Variants in LRP5 observed in about 807,000 individuals in gnomAD.
LRP5 encodes the protein low-density lipoprotein receptor-related protein 5.
In LRP5, 62 loss-of-function variants were observed where a neutral mutation model predicts 154.1. The observed-to-expected ratio is 0.40, with a 90% CI of 0.33 to 0.50. The LOEUF is 0.50. Among genes scored for constraint, LRP5 ranks in the 20% least tolerant of loss-of-function variants. LRP5 has a pLI of 0.55. For synonymous variants in LRP5, 966 were observed against 1,011.5 expected, an observed-to-expected ratio of 0.96 and a Z score of 0.85; for missense variants, 1,915 against 2,336.7, an observed-to-expected ratio of 0.82 and a Z score of 3.72.
At chr11:68,356,109 G>A (rs542154945) in intron 2 of LRP5, among the ~76,000 whole-genome samples, 5 of 150,342 alleles carry the variant, frequency 3.3e-5, no homozygotes, top group South Asian at 4.2e-4. Context: ...CTCCCAAAGC[G>A]CTGGAATTAC....
intron 9 of LRP5, among the ~76,000 whole-genome samples, chr11:68,408,830 T>G (rs1447982275): frequency 1.3e-5 from 2 of 151,794 alleles, no homozygotes; most frequent in Non-Finnish European, 2.9e-5. Flanking sequence ...GGAGGATCAC[T>G]TGAGCCCAGA....
chr11:68,401,936 G>A (rs1261588543), intron 7 of LRP5, among the ~76,000 whole-genome samples: 3 of 151,980 alleles, frequency 2.0e-5, no homozygotes, highest in African/African-American at 7.3e-5. Context: ...CAAATGATCC[G>A]CCTGCCTCGG....
intron 12 of LRP5, among the ~76,000 whole-genome samples, chr11:68,416,063 A>T (rs978765057): frequency 2.6e-5 from 4 of 152,084 alleles, no homozygotes; most frequent in Admixed American, 6.5e-5. Context: ...TCAAAAAAAA[A>T]ATAAATAAAT....
intron 13 of LRP5, among the ~76,000 whole-genome samples, chr11:68,417,215 A>G (rs1475157608): frequency 2.6e-5 from 4 of 152,146 alleles, no homozygotes; most frequent in Non-Finnish European, 5.9e-5. Context: ...GTGGGAAATC[A>G]AATGGAAAGT....
At chr11:68,383,225 A>G (rs1424822088) in intron 5 of LRP5, among the ~76,000 whole-genome samples, 1 of 152,060 alleles carries the variant, frequency 6.6e-6, no homozygotes, top group African/African-American at 2.4e-5. Flanking sequence ...CTGGCAAGAC[A>G]GGCTTGGAAT....
chr11:68,428,968 G>GTGCCTAT lies in LRP5; in HGVS notation c.3638-604_3638-598dup, dbSNP rs1178678840. Among the ~76,000 whole-genome samples the GTGCCTAT allele has an allele frequency of 1.1e-4, 10 of 91,062 alleles. No individual in the cohort carries two copies. In the South Asian group the frequency reaches 1.9e-3, roughly 17 times the overall value. 59.7% of individuals were successfully genotyped at this position (91,062 alleles called of 152,430 possible). A position where few individuals can be genotyped will look rare whatever the true frequency, so the allele number is the denominator to read the frequency against. Reference sequence around the variant, plus strand: ...AAAAATTAGCCAGGCACAGTGGCAGGTGCCTATTGTCCCAGCTACTTGGGA... The same window carrying GTGCCTAT: ...AAAAATTAGCCAGGCACAGTGGCAGGTGCCTATTGCCTATTGTCCCAGCTACTTGGGA... On this transcript the variant is annotated intron_variant, in intron 16 of 22. Transcript: ENST00000294304.
At chr11:68,373,357 G>A (rs1448909954) in intron 5 of LRP5, among the ~76,000 whole-genome samples, 2 of 151,974 alleles carry the variant, frequency 1.3e-5, no homozygotes, top group African/African-American at 2.4e-5. Context: ...GGGCACACAG[G>A]CGGCCTCCTA....
At chr11:68,336,666 A>T (rs1208102755) in intron 1 of LRP5, among the ~76,000 whole-genome samples, 2 of 152,114 alleles carry the variant, frequency 1.3e-5, no homozygotes, top group Non-Finnish European at 2.9e-5. Context: ...ACAGAGTTTC[A>T]CCGTGTTGGC....
At chr11:68,346,891 G>A (rs1480210762) in intron 1 of LRP5, among the ~76,000 whole-genome samples, 5 of 152,182 alleles carry the variant, frequency 3.3e-5, no homozygotes, top group Non-Finnish European at 5.9e-5. Flanking sequence ...CTCCTGGTCC[G>A]ACGTCTGAGG....
chr11:68,411,783 G>C (rs982013753), intron 11 of LRP5, among the ~76,000 whole-genome samples, 163 bp downstream of exon 11: 3 of 152,198 alleles, frequency 2.0e-5, no homozygotes, highest in African/African-American at 7.2e-5. Context: ...TCTGCTGTGG[G>C]AGTTGTCCCC....
Position 68,406,393 on chromosome 11 carries a change from C to T in LRP5, c.1802-131C>T, listed in dbSNP as rs471966. ...CCCAGCCATGAGGTCGGACCTGACC[C>T]GGGGGTGAGTCCTGAGCTCGGCACC... On this transcript the variant is annotated intron_variant, in intron 8 of 22. Transcript: ENST00000294304. 0.67 allele frequency: 649,666 copies of T among 968,264 alleles called. 225,050 individuals are homozygous for T. The highest frequency in any genetic ancestry group is 0.8 in the South Asian group (60,734 of 76,120). 60.0% of individuals were successfully genotyped at this position (968,264 alleles called of 1,614,324 possible). A position where few individuals can be genotyped will look rare whatever the true frequency, so the allele number is the denominator to read the frequency against.
At chr11:68,396,566 A>C (rs898117022) in intron 7 of LRP5, among the ~76,000 whole-genome samples, 2 of 152,162 alleles carry the variant, frequency 1.3e-5, no homozygotes, top group Admixed American at 1.3e-4. Context: ...AGGTCTATGA[A>C]ATGAGGTTTC....
chr11:68,307,019 C>T, the LRP5 span, among the ~76,000 whole-genome samples: 1 of 152,136 alleles, frequency 6.6e-6, no homozygotes. Context: ...CCCATCTCTA[C>T]TAAAAATACA....
chr11:68,373,400 C>T (rs2098635483), intron 5 of LRP5, among the ~76,000 whole-genome samples: 2 of 152,146 alleles, frequency 1.3e-5, no homozygotes, highest in African/African-American at 4.8e-5. Flanking sequence ...GGGGGGGGCC[C>T]CGCACTGCTG....
chr11:68,347,446 T>C (rs147634739), intron 1 of LRP5, among the ~76,000 whole-genome samples: 262 of 152,330 alleles, frequency 1.7e-3, no homozygotes, highest in Non-Finnish European at 3.2e-3. Flanking sequence ...TGTGCCTGCA[T>C]GTCCCCATCC....
intron 16 of LRP5, among the ~76,000 whole-genome samples, chr11:68,428,924 G>A (rs10791980): frequency 0.58 from 270 of 468 alleles, 37 homozygotes; most frequent in South Asian, 1. Context: ...TACAAAAAGT[G>A]AAAAAAAAAA....
intron 14 of LRP5, among the ~76,000 whole-genome samples, chr11:68,424,853 A>G (rs142093147): frequency 1.3e-5 from 2 of 152,260 alleles, no homozygotes; most frequent in African/African-American, 4.8e-5. Context: ...ACCCTCACCC[A>G]TTGTGGTCGT....
chr11:68,406,919 A>T, intron 9 of LRP5, 106 bp downstream of exon 9: 3 of 1,150,746 alleles, frequency 2.6e-6, no homozygotes, highest in Middle Eastern at 5.5e-4. Context: ...TATCGTATTT[A>T]TTGTAACGCA....
intron 17 of LRP5, among the ~76,000 whole-genome samples, chr11:68,433,199 C>T (rs1034568204): frequency 1.3e-5 from 2 of 152,208 alleles, no homozygotes; most frequent in African/African-American, 2.4e-5. Flanking sequence ...GGCACTCAGG[C>T]GTGGCTGAGC....
Sources: allele counts gnomAD v4.1 joint callset (sites outside exome capture counted in the v4.1 genomes callset), GRCh38; gene constraint gnomAD v4.1.1; transcripts MANE v1.5; gene names NCBI Gene and HGNC (gene_info 2026-07-23, HGNC 2026-07-21).